The following CDK17 variants were observed in gnomAD, a reference collection of about 807,000 sequenced individuals.
The protein encoded by CDK17 is cyclin dependent kinase 17, also known as cyclin-dependent kinase 17.
Under a neutral mutation model 77.6 loss-of-function variants are expected in CDK17, and 24 were observed. That is an observed-to-expected ratio of 0.31 (90% CI 0.22 to 0.44). The LOEUF is 0.44. CDK17 is among the 20% of genes least tolerant of loss of function. The probability of loss-of-function intolerance (pLI) is 1.00; values close to 1 mark genes in which losing one functional copy is unlikely to be tolerated. For synonymous variants in CDK17, 203 were observed against 210.4 expected (o/e 0.96, Z 0.30); for missense variants, 429 against 622.5 (o/e 0.69, Z 3.31).
rs189219831 is a variant in CDK17 at position 96,309,799 on chromosome 12, T to C, written c.543+1253A>G. Reference sequence around the variant, plus strand: ...GCAAAATAAAACCAAGAGACCACTATCAACTTGCTAGAAAACTTAAAATAA... The same window carrying C: ...GCAAAATAAAACCAAGAGACCACTACCAACTTGCTAGAAAACTTAAAATAA... On this transcript the variant is annotated intron_variant, in intron 5 of 16. Coordinates refer to ENST00000261211, the MANE Select transcript of CDK17 (RefSeq NM_002595.5). 2.2e-3 allele frequency among the ~76,000 whole-genome samples: 334 copies of C among 152,286 alleles called. 5 individuals are homozygous for C. The Middle Eastern group carries it at 0.037, about 17-fold the overall frequency.
chr12:96,383,721 T>A (rs1953924600), intron 1 of CDK17, among the ~76,000 whole-genome samples: 1 of 152,154 alleles, frequency 6.6e-6, no homozygotes, highest in Non-Finnish European at 1.5e-5. Context: ...TGGATAGGCA[T>A]ACACAGAAGA....
At chr12:96,373,946 C>A (rs1953737044) in intron 1 of CDK17, among the ~76,000 whole-genome samples, 1 of 152,014 alleles carries the variant, frequency 6.6e-6, no homozygotes, top group Non-Finnish European at 1.5e-5. Flanking sequence ...AAGACTCCGT[C>A]TCAAAAAAAC....
intron 1 of CDK17, among the ~76,000 whole-genome samples, chr12:96,381,486 T>C (rs1953879884): frequency 1.3e-5 from 2 of 152,082 alleles, no homozygotes; most frequent in Non-Finnish European, 2.9e-5. Context: ...GTTCAAATTT[T>C]ATAGCAGGGA....
chr12:96,280,999 C>T, intron 15 of CDK17, 114 bp from the exon 16 acceptor site: 1 of 859,190 alleles, frequency 1.2e-6, no homozygotes, highest in Non-Finnish European at 1.7e-6. Context: ...AACCATTTTA[C>T]AAGGTGATAG....
intron 1 of CDK17, among the ~76,000 whole-genome samples, chr12:96,338,770 GGT>G (rs1491538174): frequency 4.3e-5 from 5 of 116,014 alleles, no homozygotes; most frequent in South Asian, 4.8e-4. Context: ...AAGCCACTAA[GGT>G]TTTTTTTTTT....
chr12:96,301,241 C>CAAAAAAAA (rs376295045), intron 5 of CDK17, among the ~76,000 whole-genome samples: 3 of 85,564 alleles, frequency 3.5e-5, no homozygotes, highest in Non-Finnish European at 4.6e-5. Flanking sequence ...AACACTCGGC[C>CAAAAAAAA]AAAAAAAAAA....
In CDK17 at chr12:96,380,721, T is replaced by C. The variant is rs565373527; in HGVS notation, c.-30+19265A>G. ...TACACAACTTTCCCAATGGCTTCAC[T>C]ATAGAAAACAATGATATTCTGCCTA... On this transcript the variant is annotated intron_variant, in intron 1 of 16. Transcript: ENST00000261211. 1.3e-4 allele frequency among the ~76,000 whole-genome samples: 20 copies of C among 152,312 alleles called. No individual in the cohort carries two copies. The South Asian group carries it at 3.9e-3, about 30-fold the overall frequency.
chr12:96,300,009 G>C (rs1204699140), intron 6 of CDK17, among the ~76,000 whole-genome samples: 6 of 152,146 alleles, frequency 3.9e-5, no homozygotes, highest in Non-Finnish European at 5.9e-5. Context: ...ACAGTAGACT[G>C]GCAGTAGACT....
chr12:96,284,414 T>G (rs930565869), intron 13 of CDK17: 1 of 128,224 alleles, frequency 7.8e-6, no homozygotes, highest in Non-Finnish European at 1.5e-5. Context: ...TGACCTGAGA[T>G]AGCACCACTG....
chr12:96,339,816 G>T (rs1953097885), intron 1 of CDK17, among the ~76,000 whole-genome samples: 1 of 151,850 alleles, frequency 6.6e-6, no homozygotes, highest in East Asian at 1.9e-4. Flanking sequence ...TGTAATCCTA[G>T]CTACTTGGGC....
At chr12:96,341,782 T>C (rs904608418) in intron 1 of CDK17, among the ~76,000 whole-genome samples, 1 of 152,172 alleles carries the variant, frequency 6.6e-6, no homozygotes, top group Non-Finnish European at 1.5e-5. Flanking sequence ...AGTATGAGTC[T>C]TTACTTGTAA....
At chr12:96,346,284 CTACTAAAAA>C (rs1953209738) in intron 1 of CDK17, among the ~76,000 whole-genome samples, 1 of 152,148 alleles carries the variant, frequency 6.6e-6, no homozygotes, top group African/African-American at 2.4e-5. Context: ...AACCCCATCT[CTACTAAAAA>C]TACTAAAAAA....
intron 5 of CDK17, among the ~76,000 whole-genome samples, chr12:96,308,657 G>A (rs1952607547): frequency 7.1e-6 from 1 of 141,812 alleles, no homozygotes; most frequent in African/African-American, 2.5e-5. Flanking sequence ...TGAACCCGGG[G>A]AGGCAGACTG....
Position 96,286,649 on chromosome 12 carries a change from G to C in CDK17, c.1216+15C>G. On this transcript the variant is annotated intron_variant, in intron 12 of 16. Transcript: ENST00000261211. ...TATGGGTGCAAAATCACTGGGAAAA[G>C]ATTTCTTCTGTTACCTAGCAGTCGG... is the stretch of plus-strand genomic sequence containing the variant. The C allele has an allele frequency of 6.3e-7, 1 of 1,591,684 alleles. No individual in the cohort carries two copies. Among genetic ancestry groups the C allele is most frequent in the Non-Finnish European group, 8.6e-7 (1 of 1,160,040 alleles).
chr12:96,367,028 A>AAGT (rs1360266691), intron 1 of CDK17, among the ~76,000 whole-genome samples: 11 of 152,080 alleles, frequency 7.2e-5, no homozygotes, highest in Non-Finnish European at 1.5e-4. Flanking sequence ...ACTTCTAGCA[A>AAGT]AGTAGTAGTT....
Position 96,283,621 on chromosome 12 carries a change from C to G in CDK17, c.1347G>C (p.Leu449Phe). 4 of 1,600,152 alleles carry G rather than the reference C, an allele frequency of 2.5e-6. No homozygotes were observed. The highest frequency in any genetic ancestry group is 3.4e-6 in the Non-Finnish European group (4 of 1,168,688). ...GACTTACCTGAAGAAATTTTGTTATCAACTCAATTCCTTCAGAGTCTAACC... is the reference window on the plus strand; with the variant it reads ...GACTTACCTGAAGAAATTTTGTTATGAACTCAATTCCTTCAGAGTCTAACC... The part of the protein sequence containing the change: ...APRLDSEGIE[L>F]ITKFLQYESK... The change falls in exon 14 of 17, where the codon TTG becomes TTC. Residue 449 changes from leucine (L) to phenylalanine (F), a missense_variant. By Grantham distance (22) the Leu-to-Phe change is conservative. Transcript: ENST00000261211.
chr12:96,375,993 T>C (rs957009365), intron 1 of CDK17, among the ~76,000 whole-genome samples: 10 of 152,200 alleles, frequency 6.6e-5, no homozygotes, highest in African/African-American at 2.4e-4. Flanking sequence ...AGAATCAGAC[T>C]TTTTATAAAT....
chr12:96,356,139 CATTTTCAGA>C (rs1953389919), intron 1 of CDK17, among the ~76,000 whole-genome samples: 1 of 152,098 alleles, frequency 6.6e-6, no homozygotes, highest in African/African-American at 2.4e-5. Context: ...GGTGTTATAT[CATTTTCAGA>C]ATGAAGTTAT....
intron 1 of CDK17, among the ~76,000 whole-genome samples, chr12:96,372,278 A>T (rs960291519): frequency 6.6e-6 from 1 of 152,112 alleles, no homozygotes; most frequent in Non-Finnish European, 1.5e-5. Context: ...GGGGAAGAAG[A>T]GCTGTGAAGG....
Sources: gnomAD v4.1 joint callset for allele counts (sites outside exome capture counted in the v4.1 genomes callset) on GRCh38, gnomAD v4.1.1 for gene constraint, MANE v1.5 for transcripts, NCBI Gene and HGNC (gene_info 2026-07-23, HGNC 2026-07-21) for gene names.